Variants in BBC3 observed in about 807,000 individuals in gnomAD.
BBC3 encodes bcl-2-binding component 3.
In BBC3, 5 loss-of-function variants were observed where a neutral mutation model predicts 18.2. The observed-to-expected ratio is 0.27, with a 90% CI of 0.14 to 0.58. The LOEUF is 0.58. BBC3 is among the 20% of genes least tolerant of loss of function. The pLI is 0.91. For synonymous variants in BBC3, 119 were observed against 128.0 expected (o/e 0.93, Z 0.47); for missense variants, 224 against 268.9 (o/e 0.83, Z 1.17).
rs1336404997 is a variant in BBC3, at chr19:47,221,705, A to G, written c.*97T>C. The G allele has an allele frequency of 2.5e-6, 4 of 1,583,100 alleles. No individual in the cohort carries two copies. Among genetic ancestry groups the G allele is most frequent in the African/African-American group, 1.4e-5 (1 of 73,522 alleles). ...CAGGGCTGGGAGTCCAGTATGCTAC[A>G]TGGTGCAGAGAAAGTCCCCCGCGCT... On this transcript the variant is annotated 3_prime_UTR_variant, in exon 4 of 4. Coordinates refer to ENST00000439096, the MANE Select transcript of BBC3 (RefSeq NM_014417.5).
chr19:47,223,359 G>A (rs573731449), intron 3 of BBC3, among the ~76,000 whole-genome samples: 1 of 152,172 alleles, frequency 6.6e-6, no homozygotes, highest in East Asian at 1.9e-4. Flanking sequence ...CTGAGGTCAG[G>A]AGTTCAAGAC....
At chr19:47,226,849 G>C (rs1382818805) in intron 2 of BBC3, 95 bp from the exon 3 acceptor site, 1 of 1,102,460 alleles carries the variant, frequency 9.1e-7, no homozygotes, top group Non-Finnish European at 1.2e-6. Context: ...ACTGCTCCCC[G>C]CCTCATTTCT....
chr19:47,228,137 G>A lies in BBC3; in HGVS notation c.274+21C>T. The A allele has an allele frequency of 1.6e-6, 2 of 1,228,294 alleles. No homozygotes were observed. The highest frequency in any genetic ancestry group is 2.0e-6 in the Non-Finnish European group (2 of 984,624). 76.1% of individuals were successfully genotyped at this position (1,228,294 alleles called of 1,614,324 possible). ...CTCTCTTCCCGGCTCCTATCACCCC[G>A]GGGGCGGGGCGGGCACTCACCGTCC... On this transcript the variant is annotated intron_variant, in intron 2 of 3. Transcript: ENST00000439096. This position sits in a 1 kb window ranked among gnomAD's most constrained non-coding sequence, Gnocchi z 5.5.
chr19:47,221,685 C>T lies in BBC3; in HGVS notation c.*117G>A, dbSNP rs1303703612. 1.3e-6 allele frequency: 2 copies of T among 1,545,196 alleles called. No homozygotes were observed. Among genetic ancestry groups the T allele is most frequent in the African/African-American group, 1.4e-5 (1 of 72,074 alleles). ...CGGCCCGCCCCCGGGACAGGCAGGG[C>T]TGGGAGTCCAGTATGCTACATGGTG... On this transcript the variant is annotated 3_prime_UTR_variant, in exon 4 of 4. Coordinates refer to ENST00000439096, the MANE Select transcript of BBC3 (RefSeq NM_014417.5).
intron 3 of BBC3, chr19:47,222,541 A>G (rs1420412838): frequency 1.3e-5 from 2 of 152,222 alleles, no homozygotes; most frequent in African/African-American, 2.4e-5. Flanking sequence ...AGGCAATACT[A>G]AAAAGAGTAC....
intron 2 of BBC3, 146 bp from the exon 3 acceptor site, chr19:47,226,900 TC>T: frequency 1.4e-6 from 1 of 711,924 alleles, no homozygotes; most frequent in Non-Finnish European, 2.1e-6. Flanking sequence ...CAGCTTCTCC[TC>T]CACAGGCACC....
In BBC3 at chr19:47,221,352, C is replaced by T; in HGVS notation, c.*450G>A. On this transcript the variant is annotated 3_prime_UTR_variant, in exon 4 of 4. Coordinates refer to ENST00000439096, the MANE Select transcript of BBC3 (RefSeq NM_014417.5). ...TTTGGCTCATTTGCTCTTCACGGGC[C>T]CCCTCCCAGGAGGAGGGGGGGAAGC... 4.2e-6 allele frequency: 1 copy of T among 236,374 alleles called. No individual in the cohort carries two copies. The highest frequency in any genetic ancestry group is 6.8e-5 in the South Asian group (1 of 14,784). The allele number at this position is 236,374 out of a possible 1,614,324, so 14.6% of individuals were successfully genotyped here.
chr19:47,225,739 AC>A (rs2058807947), intron 3 of BBC3, among the ~76,000 whole-genome samples: 2 of 152,160 alleles, frequency 1.3e-5, no homozygotes, highest in South Asian at 4.1e-4. Context: ...CTGGGGAGAA[AC>A]AAAAACTATG....
chr19:47,224,392 G>T (rs1417456430), intron 3 of BBC3, among the ~76,000 whole-genome samples: 1 of 152,090 alleles, frequency 6.6e-6, no homozygotes, highest in African/African-American at 2.4e-5. Context: ...GGAGGCCAAG[G>T]CAGGAGGATC....
chr19:47,226,549 A>T lies in BBC3; in HGVS notation c.465+15T>A. On this transcript the variant is annotated intron_variant, in intron 3 of 3. Coordinates refer to ENST00000439096, the MANE Select transcript of BBC3 (RefSeq NM_014417.5). ...GGAAGTCCCACCTGCCGTCTACCCCACCCCCAGCACTCACCCGCCGCTCGT... is the reference window on the plus strand; with the variant it reads ...GGAAGTCCCACCTGCCGTCTACCCCTCCCCCAGCACTCACCCGCCGCTCGT... 1 of 1,501,340 alleles carries T rather than the reference A, an allele frequency of 6.7e-7. No homozygotes were observed. The highest frequency in any genetic ancestry group is 1.2e-5 in the South Asian group (1 of 80,072). 93.0% of individuals were successfully genotyped at this position (1,501,340 alleles called of 1,614,324 possible).
upstream of BBC3, among the ~76,000 whole-genome samples, chr19:47,231,443 G>A (rs1306521848): frequency 1.3e-5 from 2 of 152,124 alleles, no homozygotes; most frequent in African/African-American, 4.8e-5. The surrounding 1 kb of genome is among the most constrained non-coding windows in gnomAD (Gnocchi z 4.0). Context: ...GCTGTGCGGC[G>A]GGGTGTGGGG....
Position 47,221,379 on chromosome 19 carries a change from C to T in BBC3, c.*423G>A. ...CCTCCCAGGAGGAGGGGGGGAAGCA[C>T]CAGGGGCCTGAGGCCAGGCCCAGAG... On this transcript the variant is annotated 3_prime_UTR_variant, in exon 4 of 4. Coordinates refer to ENST00000439096, the MANE Select transcript of BBC3 (RefSeq NM_014417.5). 1 of 280,156 alleles carries T rather than the reference C, an allele frequency of 3.6e-6. No individual in the cohort carries two copies. The highest frequency in any genetic ancestry group is 6.6e-6 in the Non-Finnish European group (1 of 150,416). The allele number at this position is 280,156 out of a possible 1,614,324, so 17.4% of individuals were successfully genotyped here. A position where few individuals can be genotyped will look rare whatever the true frequency, so the allele number is the denominator to read the frequency against.
intron 3 of BBC3, among the ~76,000 whole-genome samples, chr19:47,224,963 G>GT (rs1027581747): frequency 6.6e-6 from 1 of 151,690 alleles, no homozygotes; most frequent in Non-Finnish European, 1.5e-5. Flanking sequence ...CCAGGCTGGA[G>GT]TGCAATGGCA....
upstream of BBC3, chr19:47,232,403 G>T: frequency 1.2e-6 from 1 of 838,572 alleles, no homozygotes; most frequent in Non-Finnish European, 1.8e-6. Context: ...AACCAAATCA[G>T]ACATAGAAGA....
Position 47,231,122 on chromosome 19 carries a change from CG to C in BBC3, c.-210del. 1 of 982,690 alleles carries C rather than the reference CG, an allele frequency of 1.0e-6. No individual in the cohort carries two copies. The highest frequency in any genetic ancestry group is 1.2e-6 in the Non-Finnish European group (1 of 827,132). The allele number at this position is 982,690 out of a possible 1,614,324, so 60.9% of individuals were successfully genotyped here. A position where few individuals can be genotyped will look rare whatever the true frequency, so the allele number is the denominator to read the frequency against. On this transcript the variant is annotated 5_prime_UTR_variant, in exon 1 of 4. The change abolishes the stop of an existing upstream ORF in the 5' untranslated region. Transcript: ENST00000439096. This position sits in a 1 kb window ranked among gnomAD's most constrained non-coding sequence, Gnocchi z 4.0. Reference sequence around the variant, plus strand: ...CCCCGGGCCGCAGGCGCGTCCGCGTCGTGGCCGCTGCTGGGATCGCTGGTGC... The same window carrying C: ...CCCCGGGCCGCAGGCGCGTCCGCGTCTGGCCGCTGCTGGGATCGCTGGTGC...
Position 47,223,204 on chromosome 19 carries a change from G to C in BBC3, c.466-1286C>G, listed in dbSNP as rs796681821. On this transcript the variant is annotated intron_variant, in intron 3 of 3. Transcript: ENST00000439096. ...GAGAATGGCGTGAACCCGGTAGGTGGAGCTTGCAGTGAGCCGAGATGGCGC... is the reference window on the plus strand; with the variant it reads ...GAGAATGGCGTGAACCCGGTAGGTGCAGCTTGCAGTGAGCCGAGATGGCGC... Among the ~76,000 whole-genome samples the C allele has an allele frequency of 5.8e-4, 88 of 151,996 alleles. 1 individual carries two copies. The highest frequency in any genetic ancestry group is 2.1e-3 in the African/African-American group (86 of 41,460).
chr19:47,221,364 G>C lies in BBC3; in HGVS notation c.*438C>G, dbSNP rs553411928. ...GCTCTTCACGGGCCCCCTCCCAGGA[G>C]GAGGGGGGGAAGCACCAGGGGCCTG... On this transcript the variant is annotated 3_prime_UTR_variant, in exon 4 of 4. Transcript: ENST00000439096. The C allele has an allele frequency of 4.6e-4, 116 of 251,568 alleles. No individual in the cohort carries two copies. The highest frequency in any genetic ancestry group is 2.6e-3 in the African/African-American group (115 of 43,566). 15.6% of individuals were successfully genotyped at this position (251,568 alleles called of 1,614,324 possible).
chr19:47,226,848 C>T, intron 2 of BBC3, 94 bp from the exon 3 acceptor site: 1 of 1,102,566 alleles, frequency 9.1e-7, no homozygotes, highest in East Asian at 3.2e-5. Flanking sequence ...CACTGCTCCC[C>T]GCCTCATTTC....
Position 47,230,943 on chromosome 19 carries a change from C to A in BBC3, c.-30G>T. 2.0e-6 allele frequency: 2 copies of A among 984,158 alleles called. No homozygotes were observed. Among genetic ancestry groups the A allele is most frequent in the Non-Finnish European group, 2.4e-6 (2 of 828,824 alleles). The allele number at this position is 984,158 out of a possible 1,614,324, so 61.0% of individuals were successfully genotyped here. A position where few individuals can be genotyped will look rare whatever the true frequency, so the allele number is the denominator to read the frequency against. ...CGCACACTCACCCCGGGGGCATGAA[C>A]ACGCCGGAGGGGGCGGCGGTGGGGG... On this transcript the variant is annotated 5_prime_UTR_variant, in exon 1 of 4. Transcript: ENST00000439096. The surrounding 1 kb of genome is among the most constrained non-coding windows in gnomAD (Gnocchi z 6.7).
Sources: gnomAD v4.1 joint callset for allele counts (sites outside exome capture counted in the v4.1 genomes callset) on GRCh38, gnomAD v4.1.1 for gene constraint, Gnocchi (gnomAD v3.1) non-coding constraint, MANE v1.5 for transcripts, NCBI Gene and HGNC (gene_info 2026-07-23, HGNC 2026-07-21) for gene names.